PCMTD2: variants seen among roughly 807,000 people sequenced by gnomAD.
The protein encoded by PCMTD2 is protein-L-isoaspartate (D-aspartate) O-methyltransferase domain containing 2, also known as protein-L-isoaspartate O-methyltransferase domain-containing protein 2.
In PCMTD2, 16 loss-of-function variants were observed where a neutral mutation model predicts 33.4. The observed-to-expected ratio is 0.48, with a 90% CI of 0.32 to 0.73. The LOEUF (loss-of-function observed/expected upper bound fraction) is 0.73. PCMTD2 is among the 30% of genes least tolerant of loss of function. The probability of loss-of-function intolerance (pLI) is 0.03; values close to 1 mark genes in which losing one functional copy is unlikely to be tolerated. For synonymous variants in PCMTD2, 161 were observed against 160.8 expected (o/e 1.00, Z -0.01); for missense variants, 374 against 449.9 (o/e 0.83, Z 1.53).
intron 5 of PCMTD2, chr20:64,272,350 T>C (rs1985945602): frequency 3.6e-6 from 1 of 279,306 alleles, no homozygotes; most frequent in African/African-American, 2.3e-5. Flanking sequence ...TAATTTTCCC[T>C]TTGAGAAATG....
At chr20:64,268,725 CAAAA>C (rs71197474) in intron 5 of PCMTD2, among the ~76,000 whole-genome samples, 4 of 136,836 alleles carry the variant, frequency 2.9e-5, no homozygotes, top group Non-Finnish European at 4.8e-5. Context: ...CATAGTCTTA[CAAAA>C]AAAAAAAAAA....
chr20:64,260,387 G>A, intron 2 of PCMTD2, 115 bp downstream of exon 2: 1 of 696,160 alleles, frequency 1.4e-6, no homozygotes, highest in Non-Finnish European at 2.5e-6. Flanking sequence ...AGCCTTCCCA[G>A]TAGTTATCTG....
chr20:64,263,883 G>A (rs753199913), intron 2 of PCMTD2, among the ~76,000 whole-genome samples: 1 of 152,138 alleles, frequency 6.6e-6, no homozygotes, highest in Non-Finnish European at 1.5e-5. Context: ...TTAACGTAGG[G>A]GCAGTTTTAT....
intron 3 of PCMTD2, among the ~76,000 whole-genome samples, chr20:64,264,856 G>T (rs1985591660): frequency 6.6e-6 from 1 of 152,162 alleles, no homozygotes; most frequent in African/African-American, 2.4e-5. Flanking sequence ...CATTTTAAAA[G>T]AAGGCATTAA....
intron 5 of PCMTD2, chr20:64,271,571 A>C (rs894076534): frequency 6.5e-6 from 1 of 152,698 alleles, no homozygotes; most frequent in Admixed American, 6.5e-5. Flanking sequence ...TCCGGACTGG[A>C]GTAGAACCTG....
At position 64,260,559 on chromosome 20, in the gene PCMTD2, A is replaced by T. The variant is rs2145755091; in HGVS notation, c.307+287A>T. Among the ~76,000 whole-genome samples the T allele has an allele frequency of 1.3e-5, 2 of 152,276 alleles. 1 individual carries two copies. Among genetic ancestry groups the T allele is most frequent in the South Asian group, 4.1e-4 (2 of 4,820 alleles). On this transcript the variant is annotated intron_variant, in intron 2 of 5. Transcript: ENST00000308824. ...GCACCTGCCCTCTGGACAGCGGAGG[A>T]TAAAGACAGTTGTGTAAATCTTGAC...
At chr20:64,262,420 A>C (rs939115021) in intron 2 of PCMTD2, 1 of 152,240 alleles carries the variant, frequency 6.6e-6, no homozygotes, top group Non-Finnish European at 1.5e-5. Context: ...TGAAGGAAGG[A>C]AAGGCCTGTT....
At chr20:64,271,884 T>C (rs961804743) in intron 5 of PCMTD2, 6 of 206,050 alleles carry the variant, frequency 2.9e-5, no homozygotes, top group African/African-American at 9.1e-5. Flanking sequence ...TTTCAGCCTC[T>C]TGGGGCAACA....
intron 1 of PCMTD2, among the ~76,000 whole-genome samples, chr20:64,256,349 A>C (rs892175399): frequency 3.3e-5 from 5 of 152,190 alleles, no homozygotes; most frequent in African/African-American, 1.2e-4. Context: ...TCACGCATGG[A>C]AAGAGATCTT....
In PCMTD2 at chr20:64,273,363, C is replaced by T; in HGVS notation, c.849C>T (p.Arg283=). The change falls in exon 6 of 6, where the codon CGC becomes CGT. Residue 283 remains arginine, a synonymous_variant. Coordinates refer to ENST00000308824, the MANE Select transcript of PCMTD2 (RefSeq NM_018257.3). ...CCAGGTTTAAACGAAGGAGAGTTCG[C>T]CGCCGTCGAATGGAAACGATTGTCT... ...NTPRFKRRRV[R]RRRMETIVFL... is the part of the protein sequence containing the mutation. 1 of 1,614,146 alleles carries T rather than the reference C, an allele frequency of 6.2e-7. No individual in the cohort carries two copies. The highest frequency in any genetic ancestry group is 8.5e-7 in the Non-Finnish European group (1 of 1,180,002).
At chr20:64,258,720 TTCA>T (rs796826199) in intron 1 of PCMTD2, 9 of 152,336 alleles carry the variant, frequency 5.9e-5, no homozygotes, top group African/African-American at 2.2e-4. Context: ...AAGTATAAAC[TTCA>T]TCATAATTAT....
chr20:64,256,685 G>A (rs1985183099), intron 1 of PCMTD2: 1 of 152,232 alleles, frequency 6.6e-6, no homozygotes, highest in African/African-American at 2.4e-5. Context: ...CTCAGGTGAT[G>A]AGAGGAGACC....
At position 64,270,185 on chromosome 20, in the gene PCMTD2, C is replaced by T. The variant is rs577201662; in HGVS notation, c.706+2175C>T. Among the ~76,000 whole-genome samples, 4 of 101,496 alleles carry T rather than the reference C, an allele frequency of 3.9e-5. No homozygotes were observed. In the South Asian group the frequency reaches 1.5e-3, roughly 38 times the overall value. The allele number at this position is 101,496 out of a possible 152,430, so 66.6% of individuals were successfully genotyped here. A position where few individuals can be genotyped will look rare whatever the true frequency, so the allele number is the denominator to read the frequency against. ...CGTTGTGGGGTCGTGTGGGTGTGCACGGTGTGGGGTCGTGAGTGCGGGCGT... is the reference window on the plus strand; with the variant it reads ...CGTTGTGGGGTCGTGTGGGTGTGCATGGTGTGGGGTCGTGAGTGCGGGCGT... On this transcript the variant is annotated intron_variant, in intron 5 of 5. Transcript: ENST00000308824.
chr20:64,266,974 T>G (rs1164609849), intron 4 of PCMTD2, among the ~76,000 whole-genome samples: 3 of 152,220 alleles, frequency 2.0e-5, no homozygotes, highest in Non-Finnish European at 4.4e-5. Flanking sequence ...ACAAGAATGT[T>G]TGTTGATATT....
Sources: gnomAD v4.1 joint callset for allele counts (sites outside exome capture counted in the v4.1 genomes callset) on GRCh38, gnomAD v4.1.1 for gene constraint, MANE v1.5 for transcripts, NCBI Gene and HGNC (gene_info 2026-07-23, HGNC 2026-07-21) for gene names.